Variants in TTLL9 observed in about 807,000 individuals in gnomAD.
The protein encoded by TTLL9 is probable tubulin polyglutamylase TTLL9.
In TTLL9, 47 loss-of-function variants were observed where a neutral mutation model predicts 65.6. The observed-to-expected ratio is 0.72, with a 90% CI of 0.57 to 0.91. The LOEUF is 0.91. Ranked by LOEUF, TTLL9 falls within the 40% of genes least tolerant of loss-of-function variation. TTLL9 has a pLI of 0.00. For missense variants in TTLL9, 537 were observed against 568.8 expected, an observed-to-expected ratio of 0.94 and a Z score of 0.57; for synonymous variants, 179 against 204.8, an observed-to-expected ratio of 0.87 and a Z score of 1.07.
At chr20:31,930,757 A>G (rs1179880024) in intron 10 of TTLL9, among the ~76,000 whole-genome samples, 3 of 151,088 alleles carry the variant, frequency 2.0e-5, no homozygotes, top group Non-Finnish European at 3.0e-5. Context: ...TCTCCTAAAT[A>G]TTTTGCAGTG....
intron 10 of TTLL9, 92 bp from the exon 11 acceptor site, chr20:31,933,708 C>T (rs1323259276): frequency 2.5e-6 from 3 of 1,218,104 alleles, no homozygotes; most frequent in South Asian, 1.6e-5. Flanking sequence ...TCGTAGCCTT[C>T]CCCATCAATT....
intron 6 of TTLL9, among the ~76,000 whole-genome samples, 179 bp downstream of exon 6, chr20:31,910,101 C>T (rs6061027): frequency 7.2e-5 from 11 of 152,318 alleles, no homozygotes; most frequent in African/African-American, 2.6e-4. Flanking sequence ...TGCCAGCATA[C>T]AGTAGGTGCT....
At chr20:31,891,217 T>C (rs1374144473) in intron 3 of TTLL9, among the ~76,000 whole-genome samples, 1 of 152,190 alleles carries the variant, frequency 6.6e-6, no homozygotes, top group African/African-American at 2.4e-5. Context: ...TGGACCTTTA[T>C]ATTTTTGCCA....
At chr20:31,925,854 C>G in intron 9 of TTLL9, 195 bp from the exon 10 acceptor site, 1 of 1,549,594 alleles carries the variant, frequency 6.5e-7, no homozygotes, top group South Asian at 1.2e-5. Flanking sequence ...CTCTCTCTCT[C>G]TTCCCACCTC....
intron 6 of TTLL9, among the ~76,000 whole-genome samples, chr20:31,915,109 A>G (rs2063714536): frequency 6.6e-6 from 1 of 152,234 alleles, no homozygotes; most frequent in Admixed American, 6.5e-5. Flanking sequence ...TGATGTCGAA[A>G]TCACTGTGAT....
intron 13 of TTLL9, 101 bp from the exon 14 acceptor site, chr20:31,939,041 G>T (rs945937051): frequency 7.4e-7 from 1 of 1,342,426 alleles, no homozygotes. Context: ...TCTGAGGGAC[G>T]GACATCAGTT....
chr20:31,937,391 C>T lies in TTLL9; in HGVS notation c.1005-5C>T. 1.9e-6 allele frequency: 3 copies of T among 1,611,290 alleles called. No individual in the cohort carries two copies. The highest frequency in any genetic ancestry group is 2.5e-6 in the Non-Finnish European group (3 of 1,177,594). ...CTAAGACTCTCTACTCCCCTCCCTT[C>T]CCAGGTGGCTCCTGGAGGTCAATGC... On this transcript the variant is annotated splice_polypyrimidine_tract_variant and splice_region_variant and intron_variant, in intron 12 of 14. Coordinates refer to ENST00000535842, the MANE Select transcript of TTLL9 (RefSeq NM_001008409.5).
At chr20:31,892,635 A>G (rs2063323507) in intron 3 of TTLL9, among the ~76,000 whole-genome samples, 1 of 152,192 alleles carries the variant, frequency 6.6e-6, no homozygotes, top group Non-Finnish European at 1.5e-5. Flanking sequence ...TTTTGGTTGA[A>G]GGACAGGAAG....
At chr20:31,941,404 GCGGT>G (rs1328715505) in intron 14 of TTLL9, among the ~76,000 whole-genome samples, 1 of 152,084 alleles carries the variant, frequency 6.6e-6, no homozygotes, top group Non-Finnish European at 1.5e-5. Flanking sequence ...ATGGAAAGCG[GCGGT>G]TCTCTATCTT....
rs201229092 is a variant in TTLL9 at position 31,898,534 on chromosome 20, C to A, written c.175C>A (p.Arg59Ser). The change falls in exon 4 of 15, where the codon CGC becomes AGC. Residue 59 changes from arginine to serine, a missense_variant. Transcript: ENST00000535842. ...CATGAACACACTCATGGACGTCCTT[C>A]GCCACAGGCCAGGATGGGTGGAAGT... Reference protein sequence around the residue: ...TLMNTLMDVLRHRPGWVEVKD... With the variant: ...TLMNTLMDVLSHRPGWVEVKD... 1.7e-4 allele frequency: 270 copies of A among 1,614,218 alleles called. No individual in the cohort carries two copies. The highest frequency in any genetic ancestry group is 3.3e-4 in the Middle Eastern group (2 of 6,062).
intron 10 of TTLL9, among the ~76,000 whole-genome samples, chr20:31,931,223 G>A (rs1254377160): frequency 6.6e-6 from 1 of 151,534 alleles, no homozygotes; most frequent in Non-Finnish European, 1.5e-5. Context: ...GGGACCACAG[G>A]CACGCACCAC....
At position 31,942,950 on chromosome 20, in the gene TTLL9, G is replaced by A. The variant is rs568245486; in HGVS notation, c.1249G>A (p.Val417Ile). 58 of 1,614,094 alleles carry A rather than the reference G, an allele frequency of 3.6e-5. No homozygotes were observed. The highest frequency in any genetic ancestry group is 9.9e-5 in the South Asian group (9 of 91,082). Residue 417 changes from valine to isoleucine, a missense_variant, in exon 15 of 15, where the codon GTC (valine) becomes ATC (isoleucine). Physicochemically the swap from Val to Ile is conservative, Grantham distance 29 (BLOSUM62 3). This residue lies in a region of TTLL9 where 205 missense variants were observed against 225.9 expected (regional missense o/e 0.91). Coordinates refer to ENST00000535842, the MANE Select transcript of TTLL9 (RefSeq NM_001008409.5). ...ACACCCCACTTCCTTTCCAGGCTGC[G>A]TCAACGATCGGAAGAAACAACTGAG... is the stretch of plus-strand genomic sequence containing the variant. ...NFVTNTHLGC[V>I]NDRKKQLRQL...
intron 2 of TTLL9, chr20:31,872,977 T>C (rs886505582): frequency 3.9e-6 from 2 of 517,334 alleles, no homozygotes; most frequent in African/African-American, 3.8e-5. Context: ...ATCTGATTTA[T>C]TTAAGTCAAA....
intron 2 of TTLL9, among the ~76,000 whole-genome samples, chr20:31,876,557 C>T (rs2123367517): frequency 6.6e-6 from 1 of 152,354 alleles, no homozygotes; most frequent in African/African-American, 2.4e-5. Flanking sequence ...TTGCAAACAA[C>T]ATCCTTATAC....
intron 6 of TTLL9, among the ~76,000 whole-genome samples, chr20:31,911,779 C>G (rs1295806680): frequency 6.6e-6 from 1 of 151,804 alleles, no homozygotes; most frequent in Non-Finnish European, 1.5e-5. Flanking sequence ...GCAGACACAA[C>G]GGCAGCTACA....
At chr20:31,938,889 AAAAC>A (rs772939020) in intron 13 of TTLL9, among the ~76,000 whole-genome samples, 2 of 152,170 alleles carry the variant, frequency 1.3e-5, no homozygotes, top group South Asian at 4.1e-4. Flanking sequence ...AACAAGAACA[AAAAC>A]AAACAAACAA....
At position 31,939,150 on chromosome 20, in the gene TTLL9, G is replaced by A; in HGVS notation, c.1127G>A (p.Gly376Glu). 6.3e-7 allele frequency: 1 copy of A among 1,589,492 alleles called. No individual in the cohort carries two copies. The highest frequency in any genetic ancestry group is 8.6e-7 in the Non-Finnish European group (1 of 1,167,916). ...HVVDMEARLT[G>E]REKRVGGFDL... ...GCCTCCTTCCTGTCCAGGCTCACGG[G>A]AAGGGAGAAGCGAGTCGGGGGCTTT... Residue 376 changes from glycine (G) to glutamate (E), a missense_variant, in exon 14 of 15, where the codon GGA becomes GAA. By Grantham distance (98) the Gly-to-Glu change is moderately conservative. Coordinates refer to ENST00000535842, the MANE Select transcript of TTLL9 (RefSeq NM_001008409.5).
At chr20:31,916,095 G>C (rs1222218336) in intron 6 of TTLL9, among the ~76,000 whole-genome samples, 1 of 152,208 alleles carries the variant, frequency 6.6e-6, no homozygotes, top group Non-Finnish European at 1.5e-5. Context: ...AATTCAGCCA[G>C]AGTTGAGGGC....
chr20:31,932,216 A>C (rs1165162112), intron 10 of TTLL9, among the ~76,000 whole-genome samples: 3 of 152,170 alleles, frequency 2.0e-5, no homozygotes, highest in Non-Finnish European at 4.4e-5. Context: ...TTATGCCTGT[A>C]ATCCCAGTAC....
Sources: gnomAD v4.1 joint callset for allele counts (sites outside exome capture counted in the v4.1 genomes callset) on GRCh38, gnomAD v4.1.1 for gene constraint, gnomAD v4.1.1 regional missense constraint, MANE v1.5 for transcripts, NCBI Gene and HGNC (gene_info 2026-07-23, HGNC 2026-07-21) for gene names.